The following ARHGAP12 variants were observed in gnomAD, a reference collection of about 807,000 sequenced individuals.
ARHGAP12 encodes the protein rho GTPase-activating protein 12.
A neutral mutation model predicts 108.6 loss-of-function variants in ARHGAP12; 64 were observed. The observed-to-expected ratio is 0.59, with a 90% CI of 0.48 to 0.73. The LOEUF (loss-of-function observed/expected upper bound fraction) is 0.73, where lower values mean the gene tolerates loss of function less well. Ranked by LOEUF, ARHGAP12 falls within the 30% of genes least tolerant of loss-of-function variation. The probability of loss-of-function intolerance (pLI) is 0.00; values close to 1 mark genes in which losing one functional copy is unlikely to be tolerated. For synonymous variants in ARHGAP12, 312 were observed against 337.2 expected (o/e 0.93, Z 0.82); for missense variants, 940 against 1,005.9 (o/e 0.93, Z 0.89).
chr10:31,825,997 AG>A, intron 11 of ARHGAP12, among the ~76,000 whole-genome samples: 1 of 152,306 alleles, frequency 6.6e-6, no homozygotes, highest in South Asian at 2.1e-4. Context: ...AACACAGCAA[AG>A]CTTTAACATC....
chr10:31,808,087 T>A (rs1157856373), intron 19 of ARHGAP12, among the ~76,000 whole-genome samples: 1 of 152,200 alleles, frequency 6.6e-6, no homozygotes, highest in Non-Finnish European at 1.5e-5. Flanking sequence ...TTAGCTTAGT[T>A]TTTAAAATAG....
intron 6 of ARHGAP12, among the ~76,000 whole-genome samples, chr10:31,849,100 C>T (rs1274989198): frequency 6.6e-6 from 1 of 151,666 alleles, no homozygotes. Context: ...GAGTGAATAC[C>T]ATGTTTTGAT....
chr10:31,852,395 GA>G (rs1836717591), intron 6 of ARHGAP12, 121 bp downstream of exon 6: 1 of 857,110 alleles, frequency 1.2e-6, no homozygotes, highest in Admixed American at 2.2e-5. Flanking sequence ...AGTGAATTCT[GA>G]AAAAATTATT....
At chr10:31,872,331 T>C (rs1418518215) in intron 3 of ARHGAP12, among the ~76,000 whole-genome samples, 1 of 152,164 alleles carries the variant, frequency 6.6e-6, no homozygotes, top group Non-Finnish European at 1.5e-5. Flanking sequence ...CCGACATGTA[T>C]TCTGAAAGAC....
At chr10:31,860,586 T>G (rs1303374302) in intron 4 of ARHGAP12, among the ~76,000 whole-genome samples, 1 of 152,206 alleles carries the variant, frequency 6.6e-6, no homozygotes, top group Non-Finnish European at 1.5e-5. Context: ...AGTGAATTGT[T>G]AGACTTAACA....
intron 13 of ARHGAP12, among the ~76,000 whole-genome samples, chr10:31,815,756 G>A (rs943563968): frequency 6.6e-6 from 1 of 152,190 alleles, no homozygotes. Flanking sequence ...TCAATAAAGA[G>A]TTGTAATTTT....
chr10:31,880,597 G>A (rs141973675), intron 3 of ARHGAP12, among the ~76,000 whole-genome samples: 12 of 152,216 alleles, frequency 7.9e-5, no homozygotes, highest in Admixed American at 3.3e-4. Flanking sequence ...AGGAAACACA[G>A]CCTAATAATA....
At chr10:31,877,534 G>A (rs1837777478) in intron 3 of ARHGAP12, among the ~76,000 whole-genome samples, 1 of 152,134 alleles carries the variant, frequency 6.6e-6, no homozygotes, top group South Asian at 2.1e-4. Flanking sequence ...TATTGTACCT[G>A]ATAAACAGAT....
At chr10:31,849,014 C>T (rs1167036589) in intron 6 of ARHGAP12, among the ~76,000 whole-genome samples, 4 of 151,612 alleles carry the variant, frequency 2.6e-5, no homozygotes, top group Non-Finnish European at 4.4e-5. Context: ...GCTGAGATCG[C>T]GCCACTGCAC....
intron 6 of ARHGAP12, among the ~76,000 whole-genome samples, chr10:31,845,933 T>C (rs999738860): frequency 1.3e-5 from 2 of 152,232 alleles, no homozygotes; most frequent in East Asian, 3.8e-4. Flanking sequence ...AGGATTTAAG[T>C]CTGGCATTTT....
intron 18 of ARHGAP12, 114 bp from the exon 19 acceptor site, chr10:31,808,865 T>A (rs2132132845): frequency 1.4e-6 from 2 of 1,380,814 alleles, no homozygotes; most frequent in Non-Finnish European, 1.0e-6. Flanking sequence ...GTGGTCACAT[T>A]TAAAATGTTT....
At chr10:31,882,820 G>GAAAAAA (rs60532023) in intron 3 of ARHGAP12, among the ~76,000 whole-genome samples, 3 of 130,248 alleles carry the variant, frequency 2.3e-5, no homozygotes, top group Admixed American at 1.6e-4. Flanking sequence ...CTCTTAAAAA[G>GAAAAAA]AAAAAAAAAA....
chr10:31,876,152 G>T (rs559395612), intron 3 of ARHGAP12, among the ~76,000 whole-genome samples: 2 of 152,216 alleles, frequency 1.3e-5, no homozygotes, highest in African/African-American at 2.4e-5. Flanking sequence ...CTTTGGGGTA[G>T]GTACCCAGAG....
chr10:31,883,345 T>A (rs952670550), intron 3 of ARHGAP12, among the ~76,000 whole-genome samples: 5 of 152,196 alleles, frequency 3.3e-5, no homozygotes, highest in African/African-American at 1.2e-4. Flanking sequence ...ATTATCCCCT[T>A]GCCTAAATTT....
chr10:31,840,883 T>C (rs980807383), intron 7 of ARHGAP12, among the ~76,000 whole-genome samples: 2 of 152,070 alleles, frequency 1.3e-5, no homozygotes, highest in African/African-American at 4.8e-5. Context: ...TCACATTGAA[T>C]AAAAAACTTC....
At chr10:31,867,717 C>T (rs897697093) in intron 3 of ARHGAP12, among the ~76,000 whole-genome samples, 5 of 151,898 alleles carry the variant, frequency 3.3e-5, no homozygotes, top group Admixed American at 6.6e-5. Flanking sequence ...CTTGAACAAA[C>T]GGAAGAAAAT....
At chr10:31,815,975 C>T (rs1364476028) in intron 13 of ARHGAP12, among the ~76,000 whole-genome samples, 2 of 151,988 alleles carry the variant, frequency 1.3e-5, no homozygotes, top group African/African-American at 2.4e-5. Context: ...CATGGTGAAA[C>T]CTCATCTCTA....
In ARHGAP12 at chr10:31,814,286, C is replaced by T; in HGVS notation, c.1807G>A (p.Glu603Lys). The change falls in exon 14 of 20, where the codon GAA becomes AAA. Residue 603 changes from glutamate (E) to lysine (K), a missense_variant. Coordinates refer to ENST00000344936, the MANE Select transcript of ARHGAP12 (RefSeq NM_018287.7). ...CGAAGCTTTTTGGGATCCTTTTGTT[C>T]CTTTTCTTTATCATGCTTTTCTATT... Reference protein sequence around the residue: ...PGIEKHDKEKEQKDPKKLRSF... With the variant: ...PGIEKHDKEKKQKDPKKLRSF... 5 of 1,614,030 alleles carry T rather than the reference C, an allele frequency of 3.1e-6. No individual in the cohort carries two copies. The highest frequency in any genetic ancestry group is 4.2e-6 in the Non-Finnish European group (5 of 1,179,952).
chr10:31,844,518 C>T lies in ARHGAP12; in HGVS notation c.1171-932G>A, dbSNP rs115383512. Among the ~76,000 whole-genome samples the T allele has an allele frequency of 9.3e-3, 1,414 of 152,142 alleles. 30 individuals carry two copies. Among genetic ancestry groups the T allele is most frequent in the African/African-American group, 0.032 (1,328 of 41,498 alleles). The stretch of plus-strand genomic sequence containing the variant: ...CTTTTTAGTTGTTGTTGCAGCATCT[C>T]AGATGACACAAACCAATGCTTGTTT... On this transcript the variant is annotated intron_variant, in intron 6 of 19. Transcript: ENST00000344936.
Sources: allele counts gnomAD v4.1 joint callset (sites outside exome capture counted in the v4.1 genomes callset), GRCh38; gene constraint gnomAD v4.1.1; transcripts MANE v1.5; gene names NCBI Gene and HGNC (gene_info 2026-07-23, HGNC 2026-07-21).